Variants in INTS7 observed in about 807,000 individuals in gnomAD.
The protein encoded by INTS7 is chromosome 1 open reading frame 73.
INTS7 carries 46 observed loss-of-function variants against 109.2 expected under a neutral mutation model. The observed-to-expected ratio is 0.42, with a 90% confidence interval of 0.33 to 0.54. The LOEUF (loss-of-function observed/expected upper bound fraction) is 0.54. Ranked by LOEUF, INTS7 falls within the 20% of genes least tolerant of loss-of-function variation. The probability of loss-of-function intolerance (pLI) is 0.07; values close to 1 mark genes in which losing one functional copy is unlikely to be tolerated. For missense variants in INTS7, 929 were observed against 1,132.4 expected (o/e 0.82, Z 2.58); for synonymous variants, 412 against 402.9 (o/e 1.02, Z -0.27).
intron 19 of INTS7, among the ~76,000 whole-genome samples, chr1:211,943,698 A>G (rs1662728552): frequency 1.3e-5 from 2 of 152,236 alleles, no homozygotes; most frequent in Admixed American, 6.5e-5. Context: ...GGCTTAAGAA[A>G]GTAATAATAG....
chr1:212,012,361 A>G (rs1254188046), intron 4 of INTS7, among the ~76,000 whole-genome samples: 1 of 152,206 alleles, frequency 6.6e-6, no homozygotes, highest in Non-Finnish European at 1.5e-5. Flanking sequence ...ACTGATCAAT[A>G]CAGATACTAG....
chr1:212,014,507 G>C (rs978339071), intron 4 of INTS7, among the ~76,000 whole-genome samples: 1 of 144,822 alleles, frequency 6.9e-6, no homozygotes, highest in Non-Finnish European at 1.5e-5. Flanking sequence ...AGGAGGGTAT[G>C]CAAATACTAT....
chr1:211,941,757 G>GA lies in INTS7; in HGVS notation c.*66dup. The GA allele has an allele frequency of 1.9e-6, 3 of 1,554,380 alleles. No homozygotes were observed. Among genetic ancestry groups the GA allele is most frequent in the East Asian group, 2.3e-5 (1 of 44,424 alleles). ...TGTAACTTTAATACTTATTCCATATGAAAAACCAAACTGTTTCTGGCAATT... is the reference window on the plus strand; with the variant it reads ...TGTAACTTTAATACTTATTCCATATGAAAAAACCAAACTGTTTCTGGCAATT... On this transcript the variant is annotated 3_prime_UTR_variant, in exon 20 of 20. Transcript: ENST00000366994.
At chr1:211,958,351 A>G (rs2102397448) in intron 16 of INTS7, among the ~76,000 whole-genome samples, 1 of 152,132 alleles carries the variant, frequency 6.6e-6, no homozygotes, top group South Asian at 2.1e-4. Flanking sequence ...TTGGCTTGTA[A>G]TATTTCTGAT....
Position 211,942,271 on chromosome 1 carries a change from C to T in INTS7, c.2602-160G>A, listed in dbSNP as rs1022570376. On this transcript the variant is annotated intron_variant, in intron 19 of 19. Transcript: ENST00000366994. The surrounding 1 kb of genome is among the most constrained non-coding windows in gnomAD (Gnocchi z 4.2). ...TCACCGATGAGGAGTCTAAGGCAGACAGGTTAAGTAATGTCTCCAAAGTCA... is the reference window on the plus strand; with the variant it reads ...TCACCGATGAGGAGTCTAAGGCAGATAGGTTAAGTAATGTCTCCAAAGTCA... Among the ~76,000 whole-genome samples, 1 of 152,174 alleles carries T rather than the reference C, an allele frequency of 6.6e-6. No homozygotes were observed. The highest frequency in any genetic ancestry group is 6.5e-5 in the Admixed American group (1 of 15,288).
chr1:212,021,545 G>GAA (rs991487250), intron 1 of INTS7, among the ~76,000 whole-genome samples: 2 of 146,690 alleles, frequency 1.4e-5, no homozygotes, highest in African/African-American at 5.0e-5. Context: ...TTAGAAATAA[G>GAA]AAAAAAAAAA....
chr1:212,020,290 T>G (rs768619471), intron 2 of INTS7, 22 bp from the exon 3 acceptor site: 2 of 1,440,152 alleles, frequency 1.4e-6, no homozygotes, highest in South Asian at 2.6e-5. Context: ...AGAAATAAAT[T>G]AGGTCACTTT....
chr1:211,993,833 T>TC (rs1048616119), intron 7 of INTS7, among the ~76,000 whole-genome samples: 94 of 152,256 alleles, frequency 6.2e-4, no homozygotes, highest in African/African-American at 2.2e-3. Context: ...TATGAAACTA[T>TC]CGTTTTTGAC....
chr1:211,992,023 T>C (rs1342246861), intron 7 of INTS7, among the ~76,000 whole-genome samples: 2 of 152,232 alleles, frequency 1.3e-5, no homozygotes, highest in African/African-American at 4.8e-5. Flanking sequence ...ATATAGATGC[T>C]GTTTTTGAAG....
chr1:211,977,748 T>TC (rs1664481697), intron 11 of INTS7, among the ~76,000 whole-genome samples: 1 of 152,226 alleles, frequency 6.6e-6, no homozygotes, highest in Non-Finnish European at 1.5e-5. Context: ...TCTGTTTCTT[T>TC]CTAAGCATGT....
At chr1:211,977,283 T>C (rs1203333428) in intron 11 of INTS7, among the ~76,000 whole-genome samples, 2 of 152,212 alleles carry the variant, frequency 1.3e-5, no homozygotes, top group Non-Finnish European at 2.9e-5. Flanking sequence ...AGCTAGATAA[T>C]GAATGCAAGA....
intron 11 of INTS7, among the ~76,000 whole-genome samples, chr1:211,978,023 A>T (rs1664494256): frequency 6.6e-6 from 1 of 152,234 alleles, no homozygotes; most frequent in African/African-American, 2.4e-5. Context: ...CTGATTTGAC[A>T]GGGTTTCGGA....
Position 211,978,555 on chromosome 1 carries a change from C to T in INTS7, c.1231-44G>A, listed in dbSNP as rs375087554. On this transcript the variant is annotated intron_variant, in intron 10 of 19. Transcript: ENST00000366994. ...ATGAACTAGTTACATTTTGAAGATA[C>T]AGATGAAGCTTTAAGGAAAAGAGCT... is the stretch of plus-strand genomic sequence containing the variant. The T allele has an allele frequency of 2.5e-6, 4 of 1,609,116 alleles. No individual in the cohort carries two copies. The African/African-American group carries it at 4.0e-5, about 16-fold the overall frequency.
intron 7 of INTS7, among the ~76,000 whole-genome samples, chr1:211,991,231 A>G (rs1665130313): frequency 6.6e-6 from 1 of 152,264 alleles, no homozygotes; most frequent in South Asian, 2.1e-4. Flanking sequence ...ATGAAGTCCA[A>G]GAAGAAATAT....
intron 17 of INTS7, among the ~76,000 whole-genome samples, chr1:211,949,795 C>T (rs1004422383): frequency 6.6e-6 from 1 of 152,214 alleles, no homozygotes; most frequent in Non-Finnish European, 1.5e-5. Context: ...GTCACCTGGC[C>T]ACTGGCTACC....
intron 1 of INTS7, among the ~76,000 whole-genome samples, chr1:212,028,892 G>A (rs1002886375): frequency 3.9e-5 from 6 of 152,222 alleles, no homozygotes; most frequent in Admixed American, 3.3e-4. Flanking sequence ...CAACAATGCT[G>A]ACAAATGACA....
intron 9 of INTS7, 59 bp from the exon 10 acceptor site, chr1:211,981,249 C>T: frequency 1.0e-6 from 1 of 958,994 alleles, no homozygotes; most frequent in South Asian, 1.4e-5. Flanking sequence ...AACACACACA[C>T]ATATACATGC....
intron 5 of INTS7, among the ~76,000 whole-genome samples, chr1:212,009,025 C>A (rs1310807088): frequency 6.6e-6 from 1 of 152,130 alleles, no homozygotes; most frequent in Non-Finnish European, 1.5e-5. Context: ...ATTCTCAACC[C>A]AGTACTCAGA....
intron 1 of INTS7, among the ~76,000 whole-genome samples, chr1:212,034,324 A>C (rs185906231): frequency 2.6e-4 from 39 of 152,310 alleles, no homozygotes; most frequent in Middle Eastern, 3.4e-3. Context: ...AGACTAACCC[A>C]CTAAAAATAT....
Sources: allele counts gnomAD v4.1 joint callset (sites outside exome capture counted in the v4.1 genomes callset), GRCh38; gene constraint gnomAD v4.1.1; non-coding constraint Gnocchi (gnomAD v3.1); transcripts MANE v1.5; gene names NCBI Gene and HGNC (gene_info 2026-07-23, HGNC 2026-07-21).